Variants in BCAS3 observed in about 807,000 individuals in gnomAD.
BCAS3 encodes BCAS3 microtubule associated cell migration factor.
Under a neutral mutation model 116.1 loss-of-function variants are expected in BCAS3, and 53 were observed. That is an observed-to-expected ratio of 0.46 (90% CI 0.37 to 0.57). The LOEUF (loss-of-function observed/expected upper bound fraction) is 0.57, where lower values mean the gene tolerates loss of function less well. Ranked by LOEUF, BCAS3 falls within the 20% of genes least tolerant of loss-of-function variation. BCAS3 has a pLI of 0.00. For missense variants in BCAS3, 917 were observed against 1,165.4 expected, an observed-to-expected ratio of 0.79 and a Z score of 3.10; for synonymous variants, 391 against 408.2, an observed-to-expected ratio of 0.96 and a Z score of 0.51.
At chr17:61,080,614 G>C (rs963175838) in intron 21 of BCAS3, among the ~76,000 whole-genome samples, 2 of 152,030 alleles carry the variant, frequency 1.3e-5, no homozygotes, top group Admixed American at 6.6e-5. Flanking sequence ...CAAAAAATTA[G>C]CCGGGCATGG....
At chr17:60,859,572 A>ATT (rs67129602) in intron 7 of BCAS3, among the ~76,000 whole-genome samples, 395 of 144,442 alleles carry the variant, frequency 2.7e-3, no homozygotes, top group Middle Eastern at 3.6e-3. Flanking sequence ...TATGTACCAC[A>ATT]TTTTTTTTTT....
intron 2 of BCAS3, among the ~76,000 whole-genome samples, chr17:60,682,673 C>T (rs1427658613): frequency 6.6e-6 from 1 of 152,044 alleles, no homozygotes; most frequent in Admixed American, 6.6e-5. Flanking sequence ...CAGGGTGCAC[C>T]ACCAGGCCCA....
intron 22 of BCAS3, among the ~76,000 whole-genome samples, chr17:61,085,563 T>C (rs2073022221): frequency 6.6e-6 from 1 of 152,252 alleles, no homozygotes; most frequent in Admixed American, 6.5e-5. Flanking sequence ...CTTAGCTTTC[T>C]GATTTTTTGG....
intron 6 of BCAS3, among the ~76,000 whole-genome samples, chr17:60,801,907 G>A (rs2144594586): frequency 6.6e-6 from 1 of 152,058 alleles, no homozygotes; most frequent in East Asian, 1.9e-4. Context: ...TGACTGTTTG[G>A]ACTGTCTGAG....
At chr17:60,862,526 T>G (rs1026156859) in intron 7 of BCAS3, among the ~76,000 whole-genome samples, 9 of 152,230 alleles carry the variant, frequency 5.9e-5, no homozygotes, top group African/African-American at 2.2e-4. Flanking sequence ...AATTTCTTCC[T>G]GATTCAATTT....
chr17:60,843,047 A>AT (rs1049819426), intron 7 of BCAS3, among the ~76,000 whole-genome samples: 11 of 150,980 alleles, frequency 7.3e-5, no homozygotes, highest in Admixed American at 4.0e-4. Flanking sequence ...AATTTTTAAC[A>AT]TTTTTTTATA....
intron 2 of BCAS3, among the ~76,000 whole-genome samples, chr17:60,682,023 C>T (rs139139030): frequency 6.8e-4 from 104 of 152,258 alleles, no homozygotes; most frequent in African/African-American, 2.4e-3. Flanking sequence ...AGCCACCGCG[C>T]CCGGCCTAAT....
intron 22 of BCAS3, among the ~76,000 whole-genome samples, chr17:61,350,570 A>G (rs1270828782): frequency 6.6e-6 from 1 of 152,240 alleles, no homozygotes; most frequent in Admixed American, 6.5e-5. Context: ...TATGGAAACA[A>G]TCTGTCAGTG....
intron 22 of BCAS3, among the ~76,000 whole-genome samples, chr17:61,312,941 CCTCA>C (rs2054436328): frequency 6.6e-6 from 1 of 152,248 alleles, no homozygotes. Flanking sequence ...TGAGCATCCA[CCTCA>C]CTCAGTTAGA....
In BCAS3 at chr17:61,208,714, A is replaced by C. The variant is rs2144320292; in HGVS notation, c.2425+124150A>C. Among the ~76,000 whole-genome samples the C allele has an allele frequency of 6.6e-6, 1 of 152,320 alleles. No individual in the cohort carries two copies. The highest frequency in any genetic ancestry group is 1.9e-4 in the East Asian group (1 of 5,184). ...ACACATTTTGTTCCCAAACAGAATT[A>C]GAAGGAAAAGGTCTGCTTAGCTGTC... On this transcript the variant is annotated intron_variant, in intron 22 of 23. Transcript: ENST00000407086. This position sits in a 1 kb window ranked among gnomAD's most constrained non-coding sequence, Gnocchi z 4.5.
chr17:60,752,698 T>C (rs1190206991), intron 6 of BCAS3, among the ~76,000 whole-genome samples: 1 of 150,816 alleles, frequency 6.6e-6, no homozygotes, highest in Non-Finnish European at 1.5e-5. Flanking sequence ...TCAATTTTGA[T>C]GCATGCTGTA....
At chr17:61,292,111 C>T (rs1017261969) in intron 22 of BCAS3, among the ~76,000 whole-genome samples, 10 of 151,996 alleles carry the variant, frequency 6.6e-5, no homozygotes, top group African/African-American at 2.4e-4. Flanking sequence ...GAAGACTTGC[C>T]ACATGTAACG....
At chr17:60,897,021 G>A (rs2057558401) in intron 10 of BCAS3, among the ~76,000 whole-genome samples, 1 of 152,082 alleles carries the variant, frequency 6.6e-6, no homozygotes, top group South Asian at 2.1e-4. Context: ...ATAGTTTGGT[G>A]TGTTTTTGTG....
chr17:61,388,467 C>A lies in BCAS3; in HGVS notation c.2594-3510C>A. 1.5e-6 allele frequency: 1 copy of A among 660,696 alleles called. No individual in the cohort carries two copies. The highest frequency in any genetic ancestry group is 2.6e-6 in the Non-Finnish European group (1 of 390,576). The allele number at this position is 660,696 out of a possible 1,614,324, so 40.9% of individuals were successfully genotyped here. A position where few individuals can be genotyped will look rare whatever the true frequency, so the allele number is the denominator to read the frequency against. ...GTCCCCAGCCCCTACACATGCATGT[C>A]ACTGTCCTCCTTGACTGCAAACTCC... On this transcript the variant is annotated intron_variant, in intron 23 of 23. Transcript: ENST00000407086. This position sits in a 1 kb window ranked among gnomAD's most constrained non-coding sequence, Gnocchi z 6.5.
At chr17:60,804,492 A>G (rs891119701) in intron 6 of BCAS3, among the ~76,000 whole-genome samples, 17 of 152,036 alleles carry the variant, frequency 1.1e-4, no homozygotes, top group African/African-American at 4.1e-4. Context: ...ACAAGAACAC[A>G]CACACAAAAA....
In BCAS3 at chr17:60,850,344, T is replaced by TG. The variant is rs1333042324; in HGVS notation, c.477-18231dup. On this transcript the variant is annotated intron_variant, in intron 7 of 23. Transcript: ENST00000407086. ...CCCTCCCCCTAACTCCTGGCACCAC[T>TG]GTTTTTTTTTTTTTTTTTTTTTTTT... Among the ~76,000 whole-genome samples the TG allele has an allele frequency of 5.5e-5, 7 of 127,998 alleles. 1 individual carries two copies. The East Asian group carries it at 1.5e-3, about 28-fold the overall frequency. 84.0% of individuals were successfully genotyped at this position (127,998 alleles called of 152,430 possible).
rs149119540 is a variant in BCAS3, at chr17:60,706,787, A to C, written c.215-2432A>C. On this transcript the variant is annotated intron_variant, in intron 4 of 23. Coordinates refer to ENST00000407086, the MANE Select transcript of BCAS3 (RefSeq NM_017679.5). ...AAACAAAACAAAACAAAACAACCCCAAAAACTTACACTATACTTTTTTTTT... is the reference window on the plus strand; with the variant it reads ...AAACAAAACAAAACAAAACAACCCCCAAAACTTACACTATACTTTTTTTTT... 2.1e-3 allele frequency among the ~76,000 whole-genome samples: 319 copies of C among 151,132 alleles called. 1 individual carries two copies. Among genetic ancestry groups the C allele is most frequent in the African/African-American group, 7.3e-3 (298 of 40,934 alleles).
chr17:60,997,656 C>G (rs2063929322), intron 15 of BCAS3, among the ~76,000 whole-genome samples: 1 of 152,158 alleles, frequency 6.6e-6, no homozygotes. Flanking sequence ...TCTTTGCTTT[C>G]CAGCTTCAAT....
At chr17:60,798,846 T>C (rs1054328270) in intron 6 of BCAS3, among the ~76,000 whole-genome samples, 1 of 152,240 alleles carries the variant, frequency 6.6e-6, no homozygotes, top group East Asian at 1.9e-4. Context: ...GTATTTGGTG[T>C]TGTCAGTGTT....
Sources: allele counts gnomAD v4.1 joint callset (sites outside exome capture counted in the v4.1 genomes callset), GRCh38; gene constraint gnomAD v4.1.1; non-coding constraint Gnocchi (gnomAD v3.1); transcripts MANE v1.5; gene names NCBI Gene and HGNC (gene_info 2026-07-23, HGNC 2026-07-21).